PHF24: variants seen among roughly 807,000 people sequenced by gnomAD.
PHF24 encodes PHD finger protein 24.
PHF24 carries 25 observed loss-of-function variants against 42.6 expected under a neutral mutation model. The ratio of observed to expected loss-of-function variants is 0.59; its 90% CI spans 0.43 to 0.82. The LOEUF is 0.82. Among genes scored for constraint, PHF24 ranks in the 40% least tolerant of loss-of-function variants. The probability of loss-of-function intolerance (pLI) is 0.00; values close to 1 mark genes in which losing one functional copy is unlikely to be tolerated. For missense variants in PHF24, 470 were observed against 538.1 expected (o/e 0.87, Z 1.25); for synonymous variants, 185 against 204.8 (o/e 0.90, Z 0.83).
At chr9:34,668,713 G>T in the PHF24 span, among the ~76,000 whole-genome samples, 2,747 of 152,262 alleles carry the variant, frequency 0.018, 96 homozygotes, top group African/African-American at 0.062. Context: ...CTCACAATTT[G>T]TCCACAGGGA....
the PHF24 span, among the ~76,000 whole-genome samples, chr9:34,935,737 G>GT: frequency 4.2e-5 from 6 of 142,356 alleles, no homozygotes; most frequent in African/African-American, 7.7e-5. Context: ...TTTGTGTGTG[G>GT]GGGGGGGGTG....
chr9:34,666,162 G>GCAGCGTCAGAT, the PHF24 span: 1 of 175,102 alleles, frequency 5.7e-6, no homozygotes, highest in Non-Finnish European at 1.2e-5. Context: ...CATCTTACGG[G>GCAGCGTCAGAT]GTGAGGCCAG....
the PHF24 span, among the ~76,000 whole-genome samples, chr9:34,699,863 C>T: frequency 6.6e-6 from 1 of 152,010 alleles, no homozygotes; most frequent in African/African-American, 2.4e-5. Context: ...AATAAGCAAA[C>T]AAGAAAAATC....
the PHF24 span, among the ~76,000 whole-genome samples, chr9:34,764,346 T>C: frequency 6.6e-6 from 1 of 152,154 alleles, no homozygotes; most frequent in African/African-American, 2.4e-5. Context: ...TTTTGGTTGG[T>C]AAGCTATTGA....
At chr9:34,731,111 ATCTC>A in the PHF24 span, among the ~76,000 whole-genome samples, 2 of 152,120 alleles carry the variant, frequency 1.3e-5, no homozygotes, top group African/African-American at 4.8e-5. Flanking sequence ...TTCCTCGTGT[ATCTC>A]TCTTTTAAAA....
chr9:34,935,736 G>GTGGGGGGGTGTGTGTGTGTGT, the PHF24 span, among the ~76,000 whole-genome samples: 1 of 142,598 alleles, frequency 7.0e-6, no homozygotes, highest in Non-Finnish European at 1.6e-5. Flanking sequence ...ATTTGTGTGT[G>GTGGGGGGGTGTGTGTGTGTGT]GGGGGGGGGT....
the PHF24 span, chr9:34,729,440 A>G: frequency 1.3e-6 from 2 of 1,543,116 alleles, no homozygotes; most frequent in Non-Finnish European, 1.7e-6. Flanking sequence ...TCTAAACTTC[A>G]TTAGCATGAG....
At chr9:34,683,548 C>A in the PHF24 span, among the ~76,000 whole-genome samples, 1 of 152,208 alleles carries the variant, frequency 6.6e-6, no homozygotes, top group African/African-American at 2.4e-5. Context: ...TGGGTGTAAA[C>A]ACTCCAGCCC....
the PHF24 span, among the ~76,000 whole-genome samples, chr9:34,908,842 C>CTTTTTTTTTTTTTTTTTTT: frequency 7.4e-6 from 1 of 135,346 alleles, no homozygotes; most frequent in Non-Finnish European, 1.6e-5. Context: ...CTTTTCTTTT[C>CTTTTTTTTTTTTTTTTTTT]TTTTTTTTTT....
the PHF24 span, chr9:34,690,167 G>A: frequency 6.2e-7 from 1 of 1,611,408 alleles, no homozygotes; most frequent in Non-Finnish European, 8.5e-7. Flanking sequence ...CTCAACAGGG[G>A]CTAAAACGGG....
chr9:34,830,418 A>G, the PHF24 span, among the ~76,000 whole-genome samples: 1 of 152,224 alleles, frequency 6.6e-6, no homozygotes, highest in African/African-American at 2.4e-5. Context: ...TGGAGCAAGC[A>G]CAACCTTGAG....
exon 8 of PHF24, chr9:34,981,878 G>T (rs1017711483): frequency 6.6e-6 from 1 of 152,086 alleles, no homozygotes; most frequent in East Asian, 1.9e-4. Context: ...ATCTCCTGGA[G>T]TGGGGGATAT....
the PHF24 span, among the ~76,000 whole-genome samples, chr9:34,942,423 G>T: frequency 6.6e-6 from 1 of 152,210 alleles, no homozygotes; most frequent in Non-Finnish European, 1.5e-5. Flanking sequence ...CACTGAAGTT[G>T]TAGGTTCCTA....
chr9:34,724,307 T>G, the PHF24 span: 1 of 1,551,436 alleles, frequency 6.4e-7, no homozygotes, highest in African/African-American at 1.4e-5. Context: ...GGAATTGGAT[T>G]GCTTTTGGTT....
At chr9:34,961,961 C>T (rs1177828724) in intron 1 of PHF24, among the ~76,000 whole-genome samples, 1 of 152,064 alleles carries the variant, frequency 6.6e-6, no homozygotes, top group Non-Finnish European at 1.5e-5. Context: ...TTTTTTGAGG[C>T]TTAGGAGTCT....
At chr9:34,764,646 C>T in the PHF24 span, among the ~76,000 whole-genome samples, 1 of 152,078 alleles carries the variant, frequency 6.6e-6, no homozygotes, top group Non-Finnish European at 1.5e-5. Flanking sequence ...TTTCAAAAAA[C>T]CAGCTCCTGG....
chr9:34,945,257 A>G, the PHF24 span, among the ~76,000 whole-genome samples: 1 of 152,232 alleles, frequency 6.6e-6, no homozygotes, highest in Admixed American at 6.5e-5. Flanking sequence ...CCGGAACTCC[A>G]TCTTATACCT....
the PHF24 span, among the ~76,000 whole-genome samples, chr9:34,678,495 C>G: frequency 6.6e-6 from 1 of 152,064 alleles, no homozygotes; most frequent in African/African-American, 2.4e-5. Context: ...CCACCACACC[C>G]AGCTAATTTT....
chr9:34,726,946 C>T, the PHF24 span: 1 of 1,551,358 alleles, frequency 6.4e-7, no homozygotes, highest in Non-Finnish European at 8.7e-7. Flanking sequence ...GATCTGCACA[C>T]AGGATTCGCC....
Sources: gnomAD v4.1 joint callset for allele counts (sites outside exome capture counted in the v4.1 genomes callset) on GRCh38, gnomAD v4.1.1 for gene constraint, MANE v1.5 for transcripts, NCBI Gene and HGNC (gene_info 2026-07-23, HGNC 2026-07-21) for gene names.